ARHGEF12: variants seen among roughly 807,000 people sequenced by gnomAD.
ARHGEF12 encodes the protein KMT2A/ARHGEF12 fusion protein.
ARHGEF12 carries 66 observed loss-of-function variants against 211.2 expected under a neutral mutation model. That is an observed-to-expected ratio of 0.31 (90% CI 0.26 to 0.38). The LOEUF is 0.38. ARHGEF12 is among the 10% of genes least tolerant of loss of function. The pLI is 1.00. For missense variants in ARHGEF12, 1,429 were observed against 1,869.5 expected, an observed-to-expected ratio of 0.76 and a Z score of 4.34; for synonymous variants, 592 against 638.4, an observed-to-expected ratio of 0.93 and a Z score of 1.09.
At chr11:120,447,736 C>T (rs1367696767) in intron 18 of ARHGEF12, 138 bp from the exon 19 acceptor site, 1 of 563,738 alleles carries the variant, frequency 1.8e-6, no homozygotes, top group Non-Finnish European at 3.1e-6. Context: ...GAATCACTTG[C>T]GCCCAGGAGG....
intron 30 of ARHGEF12, among the ~76,000 whole-genome samples, chr11:120,472,392 A>AG (rs948416226): frequency 5.9e-5 from 9 of 152,078 alleles, no homozygotes; most frequent in Non-Finnish European, 1.0e-4. Flanking sequence ...GGGAAAATTG[A>AG]GGGGGGTGGG....
intron 5 of ARHGEF12, among the ~76,000 whole-genome samples, chr11:120,421,429 GTT>G (rs1175598503): frequency 1.4e-4 from 11 of 79,878 alleles, no homozygotes; most frequent in Non-Finnish European, 1.7e-4. Flanking sequence ...TTACAGCCTT[GTT>G]TTTTTTTTTT....
chr11:120,398,522 G>A (rs751257508), intron 1 of ARHGEF12, among the ~76,000 whole-genome samples: 5 of 152,038 alleles, frequency 3.3e-5, no homozygotes, highest in South Asian at 4.2e-4. Flanking sequence ...TCCTTTTATC[G>A]ATGGTGGTTT....
intron 7 of ARHGEF12, among the ~76,000 whole-genome samples, chr11:120,424,770 C>T (rs1028390034): frequency 6.6e-6 from 1 of 152,104 alleles, no homozygotes; most frequent in South Asian, 2.1e-4. Context: ...TCCTGTCATT[C>T]TTGGTAATAT....
chr11:120,441,070 G>A (rs894769509), intron 13 of ARHGEF12, among the ~76,000 whole-genome samples: 9 of 151,890 alleles, frequency 5.9e-5, no homozygotes, highest in Non-Finnish European at 5.9e-5. Flanking sequence ...ATATATTGTC[G>A]GTTTCAATTT....
intron 1 of ARHGEF12, among the ~76,000 whole-genome samples, chr11:120,361,652 T>G (rs1943278435): frequency 6.6e-6 from 1 of 152,194 alleles, no homozygotes; most frequent in Non-Finnish European, 1.5e-5. Flanking sequence ...TCCAGTGAGT[T>G]TTTCAGAGGA....
chr11:120,445,600 AT>A (rs1340290446), intron 16 of ARHGEF12, 136 bp downstream of exon 16: 4 of 950,102 alleles, frequency 4.2e-6, no homozygotes, highest in Non-Finnish European at 6.7e-6. Context: ...TCTATAATAC[AT>A]TTAAAGAGTA....
At chr11:120,359,336 A>G (rs1283215038) in intron 1 of ARHGEF12, among the ~76,000 whole-genome samples, 1 of 152,100 alleles carries the variant, frequency 6.6e-6, no homozygotes, top group African/African-American at 2.4e-5. Context: ...GCAGTCTCTC[A>G]TCTCAGCCTC....
rs562581087 is a variant in ARHGEF12, at chr11:120,477,322, A to G, written c.3452+17A>G. 3.1e-6 allele frequency: 5 copies of G among 1,612,390 alleles called. No individual in the cohort carries two copies. The highest frequency in any genetic ancestry group is 1.1e-5 in the South Asian group (1 of 90,842). The stretch of plus-strand genomic sequence containing the variant: ...ACCTGGCGAGTGAGTGTTCCTTTGC[A>G]TTGTAGTAGGACTTATTTTATGTTT... On this transcript the variant is annotated intron_variant, in intron 35 of 40. Transcript: ENST00000397843.
chr11:120,466,759 C>T (rs1297491123), intron 28 of ARHGEF12, among the ~76,000 whole-genome samples: 2 of 152,198 alleles, frequency 1.3e-5, no homozygotes, highest in Non-Finnish European at 1.5e-5. Flanking sequence ...AAAAACTTTG[C>T]AGACCACTGG....
chr11:120,350,482 T>A (rs1414117908), intron 1 of ARHGEF12, among the ~76,000 whole-genome samples: 1 of 148,446 alleles, frequency 6.7e-6, no homozygotes, highest in Non-Finnish European at 1.5e-5. Context: ...GCCACTGCAC[T>A]CCAGCCTGGG....
intron 1 of ARHGEF12, among the ~76,000 whole-genome samples, chr11:120,355,229 A>T (rs1396887722): frequency 6.6e-6 from 1 of 152,174 alleles, no homozygotes. Flanking sequence ...TTTAAACGAG[A>T]AGGTTATTAC....
In ARHGEF12 at chr11:120,449,209, G is replaced by A; in HGVS notation, c.1838G>A (p.Ser613Asn). ...PPRRPSRHDN[S>N]AIGRAMELQK... ...CGGAGACCAAGCCGTCATGACAACA[G>A]TGCAAGTATGTTGAAGTTTGAAGTG... The change falls in exon 21 of 41, where the codon AGT becomes AAT. Residue 613 changes from serine (S) to asparagine (N), a missense_variant. Coordinates refer to ENST00000397843, the MANE Select transcript of ARHGEF12 (RefSeq NM_015313.3). 2 of 1,613,708 alleles carry A rather than the reference G, an allele frequency of 1.2e-6. No homozygotes were observed. The highest frequency in any genetic ancestry group is 1.7e-6 in the Non-Finnish European group (2 of 1,179,710).
intron 32 of ARHGEF12, 86 bp from the exon 33 acceptor site, chr11:120,475,254 G>A: frequency 1.6e-6 from 2 of 1,246,492 alleles, no homozygotes; most frequent in Non-Finnish European, 2.2e-6. Flanking sequence ...AACAGAAATA[G>A]AATTCCTCTG....
At chr11:120,455,243 C>T (rs1946328887) in intron 22 of ARHGEF12, among the ~76,000 whole-genome samples, 1 of 152,094 alleles carries the variant, frequency 6.6e-6, no homozygotes, top group African/African-American at 2.4e-5. Flanking sequence ...AAAGAATACC[C>T]ATCTTCAGGT....
chr11:120,472,514 G>A (rs975901269), intron 30 of ARHGEF12, among the ~76,000 whole-genome samples: 2 of 152,128 alleles, frequency 1.3e-5, no homozygotes, highest in Non-Finnish European at 2.9e-5. Flanking sequence ...AAGCTAATAA[G>A]AGACCAATGA....
Position 120,466,503 on chromosome 11 carries a change from G to A in ARHGEF12, c.2740-691G>A, listed in dbSNP as rs545395762. ...CTTTCTTATGATCTCAAAATCATGTGGTGGCAACCTAATCATAGGTGTGAT... is the reference window on the plus strand; with the variant it reads ...CTTTCTTATGATCTCAAAATCATGTAGTGGCAACCTAATCATAGGTGTGAT... On this transcript the variant is annotated intron_variant, in intron 28 of 40. Transcript: ENST00000397843. Among the ~76,000 whole-genome samples, 28 of 152,278 alleles carry A rather than the reference G, an allele frequency of 1.8e-4. No homozygotes were observed. In the East Asian group the frequency reaches 5.4e-3, roughly 29 times the overall value.
Position 120,480,171 on chromosome 11 carries a change from C to T in ARHGEF12, c.3978C>T (p.Tyr1326=), listed in dbSNP as rs776157168. The stretch of plus-strand genomic sequence containing the variant: ...GAACTGGTGACATTGCAACTTGTTA[C>T]AGTCCACGGACTTCAACTGAATCTT... ...RTGTGDIATC[Y]SPRTSTESFA... Residue 1326 remains tyrosine (Y), a synonymous_variant, in exon 38 of 41, where the codon TAC becomes TAT. Coordinates refer to ENST00000397843, the MANE Select transcript of ARHGEF12 (RefSeq NM_015313.3). 23 of 1,614,116 alleles carry T rather than the reference C, an allele frequency of 1.4e-5. No individual in the cohort carries two copies. In the South Asian group the frequency reaches 2.4e-4, roughly 17 times the overall value.
At chr11:120,388,097 C>G (rs946016024) in intron 1 of ARHGEF12, among the ~76,000 whole-genome samples, 9 of 152,168 alleles carry the variant, frequency 5.9e-5, no homozygotes, top group African/African-American at 2.2e-4. Context: ...CCCTCCACCC[C>G]TCCTCACCTA....
Sources: gnomAD v4.1 joint callset for allele counts (sites outside exome capture counted in the v4.1 genomes callset) on GRCh38, gnomAD v4.1.1 for gene constraint, MANE v1.5 for transcripts, NCBI Gene and HGNC (gene_info 2026-07-23, HGNC 2026-07-21) for gene names.